The following ZNF829 variants were observed in gnomAD, a reference collection of about 807,000 sequenced individuals.
ZNF829 encodes the protein zinc finger protein 829.
A neutral mutation model predicts 35.2 loss-of-function variants in ZNF829; 25 were observed. The ratio of observed to expected loss-of-function variants is 0.71; its 90% CI spans 0.52 to 0.99. ZNF829 has a LOEUF of 0.99. ZNF829 is among the 50% of genes least tolerant of loss of function. The probability of loss-of-function intolerance (pLI) is 0.00; values close to 1 mark genes in which losing one functional copy is unlikely to be tolerated. For synonymous variants in ZNF829, 136 were observed against 163.2 expected (o/e 0.83, Z 1.27); for missense variants, 417 against 515.3 (o/e 0.81, Z 1.85).
At chr19:36,892,798 T>G in intron 5 of ZNF829, 2 of 605,608 alleles carry the variant, frequency 3.3e-6, no homozygotes, top group Admixed American at 4.2e-5. Flanking sequence ...AAAAAAAAAT[T>G]TTTTTTGCCC....
At chr19:36,895,948 C>T (rs1455315348) in intron 5 of ZNF829, among the ~76,000 whole-genome samples, 2 of 152,146 alleles carry the variant, frequency 1.3e-5, no homozygotes, top group Non-Finnish European at 2.9e-5. Flanking sequence ...GGGAGGATCA[C>T]TTGAGGTCAG....
At position 36,916,176 on chromosome 19, in the gene ZNF829, T is replaced by C; in HGVS notation, c.-250A>G. ...CCCGAAACGGCTGCTCCCTCAACTCTCAACATCCAGCCGAGCCTCGGAGTT... is the reference window on the plus strand; with the variant it reads ...CCCGAAACGGCTGCTCCCTCAACTCCCAACATCCAGCCGAGCCTCGGAGTT... On this transcript the variant is annotated 5_prime_UTR_variant, in exon 1 of 6. Coordinates refer to ENST00000391711, the MANE Select transcript of ZNF829 (RefSeq NM_001037232.4). This position sits in a 1 kb window ranked among gnomAD's most constrained non-coding sequence, Gnocchi z 5.3. 2 of 501,220 alleles carry C rather than the reference T, an allele frequency of 4.0e-6. No homozygotes were observed. The highest frequency in any genetic ancestry group is 7.1e-6 in the Non-Finnish European group (2 of 283,554). 31.0% of individuals were successfully genotyped at this position (501,220 alleles called of 1,614,324 possible). A position where few individuals can be genotyped will look rare whatever the true frequency, so the allele number is the denominator to read the frequency against.
At chr19:36,902,268 T>G (rs1202020189) in intron 5 of ZNF829, among the ~76,000 whole-genome samples, 1 of 152,058 alleles carries the variant, frequency 6.6e-6, no homozygotes, top group East Asian at 1.9e-4. Context: ...AAAGACTGGC[T>G]TAATAATTCT....
chr19:36,896,784 A>G (rs2073117770), intron 5 of ZNF829, among the ~76,000 whole-genome samples: 1 of 152,258 alleles, frequency 6.6e-6, no homozygotes, highest in African/African-American at 2.4e-5. Context: ...TTCTCAGACT[A>G]CACTAGAATA....
intron 5 of ZNF829, among the ~76,000 whole-genome samples, chr19:36,898,823 CTG>C (rs796903419): frequency 1.1e-4 from 16 of 152,262 alleles, no homozygotes; most frequent in African/African-American, 3.6e-4. Flanking sequence ...TGAAACTAGA[CTG>C]TATCTCTCAC....
At chr19:36,900,143 TAAACACAC>T (rs2073150727) in intron 5 of ZNF829, among the ~76,000 whole-genome samples, 1 of 90,656 alleles carries the variant, frequency 1.1e-5, no homozygotes, top group Admixed American at 1.3e-4. Flanking sequence ...CTGTCTCTAC[TAAACACAC>T]ACACACACAC....
rs1310359770 is a variant in ZNF829, at chr19:36,890,965, C to T, written c.*527G>A. ...AGGGTATTATGGGTTGAACTGTATC[C>T]CCTAAAAAGATATGCTGAAGTCCTA... On this transcript the variant is annotated 3_prime_UTR_variant, in exon 6 of 6. Transcript: ENST00000391711. 2 of 152,516 alleles carry T rather than the reference C, an allele frequency of 1.3e-5. No individual in the cohort carries two copies. The highest frequency in any genetic ancestry group is 1.9e-4 in the East Asian group (1 of 5,178). 9.4% of individuals were successfully genotyped at this position (152,516 alleles called of 1,614,324 possible). A position where few individuals can be genotyped will look rare whatever the true frequency, so the allele number is the denominator to read the frequency against.
chr19:36,915,604 G>A (rs1474602872), intron 1 of ZNF829, among the ~76,000 whole-genome samples: 1 of 148,550 alleles, frequency 6.7e-6, no homozygotes, highest in African/African-American at 2.4e-5. Flanking sequence ...TTTTGGGGGG[G>A]TGGGGTGGGG....
intron 5 of ZNF829, among the ~76,000 whole-genome samples, chr19:36,898,410 T>C (rs975801629): frequency 2.0e-5 from 3 of 152,164 alleles, no homozygotes; most frequent in Non-Finnish European, 4.4e-5. Flanking sequence ...ATTGTTAAAA[T>C]GAACATACTT....
intron 5 of ZNF829, chr19:36,906,017 G>T (rs1170802431): frequency 6.6e-6 from 1 of 152,012 alleles, no homozygotes; most frequent in Admixed American, 6.6e-5. Flanking sequence ...ACACTAAGAA[G>T]TCAACTGGAT....
chr19:36,892,895 A>G (rs963970499), intron 5 of ZNF829: 2 of 1,157,072 alleles, frequency 1.7e-6, no homozygotes, highest in Non-Finnish European at 2.2e-6. Context: ...CTGCAAGGCC[A>G]TCAGCATGCC....
intron 3 of ZNF829, among the ~76,000 whole-genome samples, chr19:36,914,475 G>A (rs1050349447): frequency 1.3e-5 from 2 of 152,002 alleles, no homozygotes; most frequent in African/African-American, 4.8e-5. Flanking sequence ...TATTAATCAC[G>A]GAAACCCAAA....
intron 3 of ZNF829, among the ~76,000 whole-genome samples, chr19:36,909,797 ACT>A (rs2073248234): frequency 7.3e-6 from 1 of 137,576 alleles, no homozygotes; most frequent in African/African-American, 2.9e-5. Flanking sequence ...ACAGAGTGAG[ACT>A]CTGTCTCAAA....
intron 5 of ZNF829, among the ~76,000 whole-genome samples, chr19:36,903,752 A>C (rs1472248572): frequency 6.8e-6 from 1 of 147,572 alleles, no homozygotes; most frequent in Non-Finnish European, 1.5e-5. Flanking sequence ...TTAGCCGGGC[A>C]TGGTGGCAGG....
At chr19:36,903,196 A>G (rs565769760) in intron 5 of ZNF829, among the ~76,000 whole-genome samples, 138 of 152,306 alleles carry the variant, frequency 9.1e-4, no homozygotes, top group African/African-American at 3.2e-3. Flanking sequence ...TTCTAACATA[A>G]GGTATTAAAA....
intron 5 of ZNF829, among the ~76,000 whole-genome samples, chr19:36,899,009 G>A (rs141353773): frequency 1.0e-3 from 156 of 152,104 alleles, no homozygotes; most frequent in African/African-American, 3.6e-3. Context: ...TAGACAAATT[G>A]GACTATATTG....
At chr19:36,910,087 A>AT (rs1188231634) in intron 3 of ZNF829, among the ~76,000 whole-genome samples, 66 of 120,158 alleles carry the variant, frequency 5.5e-4, no homozygotes, top group Admixed American at 8.3e-4. Flanking sequence ...TTCTTGAAAA[A>AT]TTTTTTTTTT....
At chr19:36,907,757 G>T in intron 5 of ZNF829, 172 bp downstream of exon 5, 1 of 533,026 alleles carries the variant, frequency 1.9e-6, no homozygotes, top group South Asian at 2.4e-5. Flanking sequence ...TAGCATAATT[G>T]TAGCCAGGGA....
chr19:36,906,354 AT>A (rs2073215350), intron 5 of ZNF829: 2 of 152,226 alleles, frequency 1.3e-5, no homozygotes, highest in African/African-American at 4.8e-5. Context: ...GATACATAGA[AT>A]ATAATAAGAA....
Sources: allele counts gnomAD v4.1 joint callset (sites outside exome capture counted in the v4.1 genomes callset), GRCh38; gene constraint gnomAD v4.1.1; non-coding constraint Gnocchi (gnomAD v3.1); transcripts MANE v1.5; gene names NCBI Gene and HGNC (gene_info 2026-07-23, HGNC 2026-07-21).